ZFPM2: variants seen among roughly 807,000 people sequenced by gnomAD.
The protein encoded by ZFPM2 is zinc finger protein ZFPM2.
In ZFPM2, 20 loss-of-function variants were observed where a neutral mutation model predicts 98.6. The ratio of observed to expected loss-of-function variants is 0.20; its 90% CI spans 0.14 to 0.29. The LOEUF (loss-of-function observed/expected upper bound fraction) is 0.29. ZFPM2 is among the 10% of genes least tolerant of loss of function. ZFPM2 has a pLI of 1.00. For synonymous variants in ZFPM2, 518 were observed against 502.7 expected (o/e 1.03, Z -0.41); for missense variants, 1,310 against 1,388.6 (o/e 0.94, Z 0.90).
intron 5 of ZFPM2, among the ~76,000 whole-genome samples, chr8:105,703,857 C>G (rs1426407187): frequency 6.6e-6 from 1 of 152,118 alleles, no homozygotes; most frequent in Non-Finnish European, 1.5e-5. Context: ...CCACGATTAT[C>G]CTGTATCACT....
At position 105,660,345 on chromosome 8, in the gene ZFPM2, T is replaced by C. The variant is rs145212919; in HGVS notation, c.532+25988T>C. On this transcript the variant is annotated intron_variant, in intron 5 of 7. Transcript: ENST00000407775. ...TCAGCTGCATTTCCTTTCTAAGCAT[T>C]AGAGCTTACAGTCTTGTCATGCAAG... 2.6e-5 allele frequency among the ~76,000 whole-genome samples: 4 copies of C among 152,298 alleles called. No homozygotes were observed. The East Asian group carries it at 7.7e-4, about 29-fold the overall frequency.
At chr8:105,346,410 A>AATAG (rs1290674747) in intron 1 of ZFPM2, among the ~76,000 whole-genome samples, 2 of 151,922 alleles carry the variant, frequency 1.3e-5, no homozygotes, top group Non-Finnish European at 2.9e-5. Context: ...TAAATAAATA[A>AATAG]TAAAATAAGA....
In ZFPM2 at chr8:105,801,677, G is replaced by A. The variant is rs1404827741; in HGVS notation, c.1595G>A (p.Ser532Asn). 2 of 1,613,672 alleles carry A rather than the reference G, an allele frequency of 1.2e-6. No homozygotes were observed. Among genetic ancestry groups the A allele is most frequent in the South Asian group, 1.1e-5 (1 of 91,080 alleles). ...ELVHRRLRHG[S>N]SSYPPVIYSP... is the part of the protein sequence containing the mutation. ...GTGCATCGGCGACTGAGGCATGGCAGTAGTAGCTACCCTCCCGTCATTTAC... is the reference window on the plus strand; with the variant it reads ...GTGCATCGGCGACTGAGGCATGGCAATAGTAGCTACCCTCCCGTCATTTAC... Residue 532 changes from serine (S) to asparagine (N), a missense_variant, in exon 8 of 8, where the codon AGT (serine) becomes AAT (asparagine). Ser to Asn is a conservative substitution (Grantham distance 46). Transcript: ENST00000407775.
chr8:105,636,087 T>C (rs1816842011), intron 5 of ZFPM2, among the ~76,000 whole-genome samples: 1 of 152,170 alleles, frequency 6.6e-6, no homozygotes, highest in Non-Finnish European at 1.5e-5. Context: ...AAGTTTTGAC[T>C]GCCACCCATT....
At chr8:105,573,936 T>C (rs1231647009) in intron 4 of ZFPM2, among the ~76,000 whole-genome samples, 2 of 152,218 alleles carry the variant, frequency 1.3e-5, no homozygotes, top group African/African-American at 4.8e-5. Flanking sequence ...TAGGGGTTAT[T>C]ATACCAGCCC....
intron 3 of ZFPM2, among the ~76,000 whole-genome samples, chr8:105,490,385 A>AT (rs1302553928): frequency 1.3e-5 from 2 of 152,170 alleles, no homozygotes; most frequent in Non-Finnish European, 2.9e-5. Context: ...CATTTTTATA[A>AT]TTTTTTAAAT....
chr8:105,428,528 T>G (rs1369812526), intron 2 of ZFPM2, among the ~76,000 whole-genome samples: 1 of 152,216 alleles, frequency 6.6e-6, no homozygotes, highest in Non-Finnish European at 1.5e-5. Context: ...CTTATGATGT[T>G]GCTTTCAGGT....
At chr8:105,420,587 G>T (rs544088696) in intron 2 of ZFPM2, among the ~76,000 whole-genome samples, 1 of 152,212 alleles carries the variant, frequency 6.6e-6, no homozygotes, top group South Asian at 2.1e-4. Flanking sequence ...AATGAGAAAA[G>T]TATGAACAGA....
chr8:105,570,433 A>C (rs1815330443), intron 4 of ZFPM2, among the ~76,000 whole-genome samples: 1 of 152,130 alleles, frequency 6.6e-6, no homozygotes, highest in Non-Finnish European at 1.5e-5. Flanking sequence ...GAAGAAATTA[A>C]ACACCGAAGA....
intron 3 of ZFPM2, among the ~76,000 whole-genome samples, chr8:105,498,956 G>A (rs1268283194): frequency 1.1e-4 from 17 of 152,158 alleles, no homozygotes; most frequent in Admixed American, 1.1e-3. Flanking sequence ...GCAGGCATTG[G>A]GGCAGGCAGT....
chr8:105,384,662 G>A (rs1309880842), intron 1 of ZFPM2, among the ~76,000 whole-genome samples: 2 of 152,064 alleles, frequency 1.3e-5, no homozygotes, highest in African/African-American at 4.8e-5. Context: ...TTTGGAGCAA[G>A]AGCTTTGACA....
intron 1 of ZFPM2, among the ~76,000 whole-genome samples, chr8:105,348,621 G>A (rs1179153619): frequency 1.3e-5 from 2 of 152,310 alleles, no homozygotes; most frequent in African/African-American, 2.4e-5. Flanking sequence ...GGAAACTCAG[G>A]AATTCGAATT....
At chr8:105,467,760 T>C (rs1812821138) in intron 3 of ZFPM2, among the ~76,000 whole-genome samples, 1 of 151,936 alleles carries the variant, frequency 6.6e-6, no homozygotes, top group Admixed American at 6.6e-5. Flanking sequence ...CATGTATATA[T>C]ATACAACATA....
intron 5 of ZFPM2, among the ~76,000 whole-genome samples, chr8:105,654,469 A>G (rs557368957): frequency 6.6e-6 from 1 of 152,316 alleles, no homozygotes; most frequent in East Asian, 1.9e-4. Context: ...TTAAATCTGC[A>G]GACTTCTAAT....
At chr8:105,489,004 T>A (rs1486116293) in intron 3 of ZFPM2, among the ~76,000 whole-genome samples, 1 of 152,230 alleles carries the variant, frequency 6.6e-6, no homozygotes, top group Non-Finnish European at 1.5e-5. Flanking sequence ...ATAATGATAC[T>A]AACACCTTAA....
chr8:105,411,756 C>T (rs1358747771), intron 1 of ZFPM2, among the ~76,000 whole-genome samples: 2 of 151,810 alleles, frequency 1.3e-5, no homozygotes, highest in South Asian at 2.1e-4. Flanking sequence ...TCAATGCCAT[C>T]TCTGTCACTA....
chr8:105,382,736 C>T (rs549352700), intron 1 of ZFPM2, among the ~76,000 whole-genome samples: 1 of 152,152 alleles, frequency 6.6e-6, no homozygotes, highest in African/African-American at 2.4e-5. Flanking sequence ...ACATAACTTA[C>T]TTGGCAAAGC....
At chr8:105,486,792 C>G (rs1211231280) in intron 3 of ZFPM2, among the ~76,000 whole-genome samples, 1 of 152,068 alleles carries the variant, frequency 6.6e-6, no homozygotes. Context: ...ATATGTTTGT[C>G]AGATGGACCA....
chr8:105,319,040 G>C (rs946324917), intron 1 of ZFPM2, 59 bp downstream of exon 1: 3 of 1,459,564 alleles, frequency 2.1e-6, no homozygotes, highest in African/African-American at 1.4e-5. Flanking sequence ...CGGGGTGCGC[G>C]GGACGGGAAA....
Sources: allele counts gnomAD v4.1 joint callset (sites outside exome capture counted in the v4.1 genomes callset), GRCh38; gene constraint gnomAD v4.1.1; transcripts MANE v1.5; gene names NCBI Gene and HGNC (gene_info 2026-07-23, HGNC 2026-07-21).